UBN2: variants seen among roughly 807,000 people sequenced by gnomAD.
UBN2 encodes the protein ubinuclein 2, also known as ubinuclein-2.
A neutral mutation model predicts 120.2 loss-of-function variants in UBN2; 35 were observed. The observed-to-expected ratio is 0.29, with a 90% CI of 0.22 to 0.39. UBN2 has a LOEUF of 0.39. UBN2 is among the 10% of genes least tolerant of loss of function. The probability of loss-of-function intolerance (pLI) is 1.00; values close to 1 mark genes in which losing one functional copy is unlikely to be tolerated. For synonymous variants in UBN2, 661 were observed against 648.7 expected, an observed-to-expected ratio of 1.02 and a Z score of -0.29; for missense variants, 1,693 against 1,663.2, an observed-to-expected ratio of 1.02 and a Z score of -0.31.
At chr7:139,316,035 C>A in the UBN2 span, among the ~76,000 whole-genome samples, 1 of 127,774 alleles carries the variant, frequency 7.8e-6, no homozygotes, top group African/African-American at 3.0e-5. Flanking sequence ...TGAGATCGCG[C>A]TGTTGCACTC....
At position 139,304,983 on chromosome 7, in the gene UBN2, A is replaced by T. The variant is rs969625893; in HGVS notation, c.*7147A>T. On this transcript the variant is annotated 3_prime_UTR_variant, in exon 18 of 18. Coordinates refer to ENST00000473989, the MANE Select transcript of UBN2 (RefSeq NM_173569.4). ...ATAGAGATACTTTGTGTGTTCATCT[A>T]TCGTAAAATGTGAACTCTGTATTCA... The T allele has an allele frequency of 1.1e-4, 17 of 152,132 alleles. No individual in the cohort carries two copies. Among genetic ancestry groups the T allele is most frequent in the South Asian group, 2.1e-4 (1 of 4,826 alleles). The allele number at this position is 152,132 out of a possible 1,614,324, so 9.4% of individuals were successfully genotyped here.
the UBN2 span, among the ~76,000 whole-genome samples, chr7:139,320,612 C>A: frequency 2.0e-5 from 3 of 152,130 alleles, no homozygotes; most frequent in Non-Finnish European, 4.4e-5. Context: ...AATCCCAACA[C>A]TTTGGGAGGC....
chr7:139,318,857 G>A, the UBN2 span, among the ~76,000 whole-genome samples: 5 of 152,122 alleles, frequency 3.3e-5, no homozygotes, highest in South Asian at 2.1e-4. Context: ...ATTCATGCGC[G>A]TGGTAAGGGC....
At chr7:139,268,278 GTGT>G (rs1440047764) in intron 7 of UBN2, among the ~76,000 whole-genome samples, 1 of 152,046 alleles carries the variant, frequency 6.6e-6, no homozygotes, top group Non-Finnish European at 1.5e-5. Flanking sequence ...ACAAGTACTA[GTGT>G]TCTGAGTTGA....
chr7:139,281,361 G>A (rs1303908542), intron 13 of UBN2, among the ~76,000 whole-genome samples: 1 of 152,082 alleles, frequency 6.6e-6, no homozygotes, highest in African/African-American at 2.4e-5. Flanking sequence ...AAAAGAAAAT[G>A]CAAATAACCC....
rs1396693147 is a variant in UBN2 at position 139,284,211 on chromosome 7, C to T, written c.3306C>T (p.Ser1102=). 7 of 1,614,056 alleles carry T rather than the reference C, an allele frequency of 4.3e-6. No homozygotes were observed. Among genetic ancestry groups the T allele is most frequent in the South Asian group, 1.1e-5 (1 of 91,078 alleles). Residue 1102 remains serine (S), a synonymous_variant, in exon 15 of 18, where the codon AGC becomes AGT. Transcript: ENST00000473989. ...SSPNALVAQG[S]HSSTNSPVHK... ...CAAATGCACTAGTTGCCCAGGGTAG[C>T]CACTCCAGCACTAACAGCCCAGTCC...
intron 2 of UBN2, among the ~76,000 whole-genome samples, chr7:139,247,199 C>T (rs1329467623): frequency 1.3e-5 from 2 of 151,652 alleles, no homozygotes; most frequent in African/African-American, 4.8e-5. Flanking sequence ...TCCAAAGTAG[C>T]CACATCATTT....
chr7:139,278,181 C>CTTTTT (rs75636576), intron 12 of UBN2, among the ~76,000 whole-genome samples: 1 of 133,830 alleles, frequency 7.5e-6, no homozygotes, highest in African/African-American at 2.8e-5. Flanking sequence ...CTCTCTCTGG[C>CTTTTT]TTTTTTTTTT....
At chr7:139,289,476 A>G (rs1797886175) in intron 15 of UBN2, among the ~76,000 whole-genome samples, 3 of 145,458 alleles carry the variant, frequency 2.1e-5, no homozygotes, top group Admixed American at 7.3e-5. Flanking sequence ...GCAGTGGTGC[A>G]ATCTTGGCTC....
At chr7:139,273,667 A>G (rs1563217860) in intron 10 of UBN2, among the ~76,000 whole-genome samples, 2 of 152,204 alleles carry the variant, frequency 1.3e-5, no homozygotes, top group African/African-American at 4.8e-5. Context: ...AAGGTGAAGT[A>G]CTTTCAACAT....
At chr7:139,279,471 A>T in intron 13 of UBN2, 111 bp downstream of exon 13, 1 of 761,754 alleles carries the variant, frequency 1.3e-6, no homozygotes, top group Non-Finnish European at 2.1e-6. Context: ...GCACTATAAG[A>T]TAGATGTTTT....
intron 2 of UBN2, among the ~76,000 whole-genome samples, chr7:139,245,441 C>A (rs1254103852): frequency 6.6e-6 from 1 of 152,112 alleles, no homozygotes; most frequent in Non-Finnish European, 1.5e-5. Flanking sequence ...AAGATTTATA[C>A]TTATTTAACA....
chr7:139,308,694 G>C (rs931851846), downstream of UBN2, among the ~76,000 whole-genome samples: 3 of 152,260 alleles, frequency 2.0e-5, no homozygotes, highest in Non-Finnish European at 2.9e-5. Context: ...GGGTAATAGG[G>C]TATGTGTGTA....
chr7:139,232,415 A>G (rs1796051309), intron 1 of UBN2, among the ~76,000 whole-genome samples: 1 of 152,074 alleles, frequency 6.6e-6, no homozygotes, highest in Admixed American at 6.5e-5. Context: ...TATCATCCTC[A>G]TCCTCATCAC....
chr7:139,284,381 G>T lies in UBN2; in HGVS notation c.3476G>T (p.Gly1159Val). 6.2e-7 allele frequency: 1 copy of T among 1,614,192 alleles called. No individual in the cohort carries two copies. The highest frequency in any genetic ancestry group is 8.5e-7 in the Non-Finnish European group (1 of 1,180,034). ...LTNSSSTGTV[G>V]KNSLSGIAMN... ...AACTCATCATCCACTGGAACTGTTG[G>T]GAAGAACAGCTTGAGTGGAATTGCA... is the stretch of plus-strand genomic sequence containing the variant. Residue 1159 changes from glycine (G) to valine (V), a missense_variant, in exon 15 of 18, where the codon GGG (glycine) becomes GTG (valine). By Grantham distance (109) the Gly-to-Val change is moderately radical. Coordinates refer to ENST00000473989, the MANE Select transcript of UBN2 (RefSeq NM_173569.4).
rs560017027 is a variant in UBN2, at chr7:139,232,041, C to T, written c.468+89C>T. ...GCTGGTTTGCACCTTGGGACGCCCA[C>T]CGAGCGCGTCCGGGTCGCCCCGAGG... On this transcript the variant is annotated intron_variant, in intron 1 of 17. Coordinates refer to ENST00000473989, the MANE Select transcript of UBN2 (RefSeq NM_173569.4). 3.0e-6 allele frequency: 4 copies of T among 1,324,714 alleles called. No homozygotes were observed. In the South Asian group the frequency reaches 5.2e-5, roughly 17 times the overall value. The allele number at this position is 1,324,714 out of a possible 1,614,324, so 82.1% of individuals were successfully genotyped here.
At chr7:139,324,133 G>C in the UBN2 span, among the ~76,000 whole-genome samples, 2 of 152,090 alleles carry the variant, frequency 1.3e-5, no homozygotes, top group African/African-American at 4.8e-5. Flanking sequence ...CCGCTTGAAA[G>C]GCCTACAGTG....
Position 139,283,650 on chromosome 7 carries a change from C to T in UBN2, c.2745C>T (p.Ser915=), listed in dbSNP as rs369988517. The T allele has an allele frequency of 8.1e-6, 13 of 1,614,150 alleles. No homozygotes were observed. The highest frequency in any genetic ancestry group is 1.6e-4 in the Middle Eastern group (1 of 6,062). The part of the protein sequence containing the change: ...IAASSHALGT[S]EAQDASSLTQ... ...CCTCTTCTCATGCTCTGGGAACATC[C>T]GAGGCCCAAGATGCTTCTTCGTTAA... The change falls in exon 15 of 18, where the codon TCC becomes TCT. Residue 915 remains serine, a synonymous_variant. Coordinates refer to ENST00000473989, the MANE Select transcript of UBN2 (RefSeq NM_173569.4).
chr7:139,312,244 C>T (rs149707741), downstream of UBN2, among the ~76,000 whole-genome samples: 3 of 152,286 alleles, frequency 2.0e-5, no homozygotes, highest in East Asian at 3.9e-4. Context: ...AGGCATTCTT[C>T]GAAGTAAGTA....
Sources: allele counts gnomAD v4.1 joint callset (sites outside exome capture counted in the v4.1 genomes callset), GRCh38; gene constraint gnomAD v4.1.1; transcripts MANE v1.5; gene names NCBI Gene and HGNC (gene_info 2026-07-23, HGNC 2026-07-21).